The following C1QBP variants were observed in gnomAD, a reference collection of about 807,000 sequenced individuals.
C1QBP encodes complement component 1 Q subcomponent-binding protein, mitochondrial.
In C1QBP, 24 loss-of-function variants were observed where a neutral mutation model predicts 29.4. The observed-to-expected ratio is 0.82, with a 90% CI of 0.59 to 1.15. C1QBP has a LOEUF of 1.15. C1QBP is among the 50% of genes most tolerant of loss of function. The probability of loss-of-function intolerance (pLI) is 0.00; values close to 1 mark genes in which losing one functional copy is unlikely to be tolerated. For missense variants in C1QBP, 337 were observed against 355.8 expected (o/e 0.95, Z 0.43); for synonymous variants, 182 against 149.2 (o/e 1.22, Z -1.60).
intron 2 of C1QBP, 108 bp from the exon 3 acceptor site, chr17:5,435,074 G>A: frequency 1.0e-6 from 1 of 968,980 alleles, no homozygotes; most frequent in Non-Finnish European, 1.7e-6. Flanking sequence ...AAGGCGTATT[G>A]AAACAATGTC....
chr17:5,435,094 G>A, intron 2 of C1QBP, 128 bp from the exon 3 acceptor site: 2 of 817,240 alleles, frequency 2.4e-6, no homozygotes, highest in East Asian at 2.6e-5. Flanking sequence ...CTCTGTCCTA[G>A]CTGGCTGAAT....
At chr17:5,436,044 G>GAA (rs556979926) in intron 2 of C1QBP, among the ~76,000 whole-genome samples, 2,257 of 85,254 alleles carry the variant, frequency 0.026, 86 homozygotes, top group Middle Eastern at 0.056. Context: ...GACTCTGTCA[G>GAA]AAAAAAAAAA....
At position 5,433,757 on chromosome 17, in the gene C1QBP, G is replaced by A. The variant is rs1916176448; in HGVS notation, c.488C>T (p.Thr163Ile). ...QKVEEQEPEL[T>I]STPNFVVEVI... Reference sequence around the variant, plus strand: ...TTCAACCACGAAATTGGGAGTTGATGTCAGTTCAGGCTGGGGAAACAAGAA... The same window carrying A: ...TTCAACCACGAAATTGGGAGTTGATATCAGTTCAGGCTGGGGAAACAAGAA... The change falls in exon 4 of 6, where the codon ACA becomes ATA. Residue 163 changes from threonine to isoleucine, a missense_variant. Coordinates refer to ENST00000225698, the MANE Select transcript of C1QBP (RefSeq NM_001212.4). The A allele has an allele frequency of 2.5e-6, 4 of 1,614,156 alleles. No individual in the cohort carries two copies. Among genetic ancestry groups the A allele is most frequent in the Non-Finnish European group, 2.5e-6 (3 of 1,179,984 alleles).
intron 2 of C1QBP, among the ~76,000 whole-genome samples, chr17:5,436,565 T>C (rs1916276864): frequency 6.6e-6 from 1 of 151,620 alleles, no homozygotes; most frequent in Admixed American, 6.5e-5. Flanking sequence ...ACCAAAAAAA[T>C]AGGTAAACTG....
At chr17:5,434,382 G>A (rs935447666) in intron 3 of C1QBP, among the ~76,000 whole-genome samples, 3 of 152,070 alleles carry the variant, frequency 2.0e-5, no homozygotes, top group African/African-American at 7.2e-5. Context: ...TGGTTACTAG[G>A]CTGGGCACAG....
intron 2 of C1QBP, among the ~76,000 whole-genome samples, chr17:5,436,826 T>A (rs923905944): frequency 6.6e-6 from 1 of 152,196 alleles, no homozygotes; most frequent in East Asian, 1.9e-4. Context: ...GAGACCAGCC[T>A]GGCCAACACG....
At chr17:5,433,524 T>TCCCTCACTCCCCACCTCTCTC (rs1916168571) in intron 4 of C1QBP, 109 bp from the exon 5 acceptor site, 4 of 1,526,904 alleles carry the variant, frequency 2.6e-6, no homozygotes, top group Non-Finnish European at 3.6e-6. Context: ...TTAACCCTCT[T>TCCCTCACTCCCCACCTCTCTC]CCCTCACTCC....
rs1235537641 is a variant in C1QBP at position 5,438,870 on chromosome 17, G to A, written c.204C>T (p.Gly68=). ...CGGTGTGCAGCGAGCCGCAGCCACA[G>A]CCACAGGCGCAGGGTCCGCGAGGCC... ...LLRPRGPCAC[G]CGCGSLHTDG... The change falls in exon 1 of 6, where the codon GGC becomes GGT. Residue 68 remains glycine (G), a synonymous_variant. Coordinates refer to ENST00000225698, the MANE Select transcript of C1QBP (RefSeq NM_001212.4). 6.5e-7 allele frequency: 1 copy of A among 1,545,612 alleles called. No homozygotes were observed.
At position 5,433,124 on chromosome 17, in the gene C1QBP, C is replaced by G; in HGVS notation, c.740G>C (p.Gly247Ala). ...CTCATCTGCAAAAGTGTTGTCCACC[C>G]CTCGGTCGGCAAGGAAATCCATTAG... ...DHLMDFLADRGVDNTFADELV... is the reference protein window; with the variant it reads ...DHLMDFLADRAVDNTFADELV... Residue 247 changes from glycine (G) to alanine (A), a missense_variant, in exon 6 of 6, where the codon GGG becomes GCG. Transcript: ENST00000225698. 1 of 1,614,120 alleles carries G rather than the reference C, an allele frequency of 6.2e-7. No individual in the cohort carries two copies.
rs1282490847 is a variant in C1QBP at position 5,433,738 on chromosome 17, C to G, written c.507G>C (p.Val169=). ...CATCATCATTCTTTATAACTTCAACCACGAAATTGGGAGTTGATGTCAGTT... is the reference window on the plus strand; with the variant it reads ...CATCATCATTCTTTATAACTTCAACGACGAAATTGGGAGTTGATGTCAGTT... ...EPELTSTPNF[V]VEVIKNDDGK... The change falls in exon 4 of 6, where the codon GTG becomes GTC. Residue 169 remains valine, a synonymous_variant. Coordinates refer to ENST00000225698, the MANE Select transcript of C1QBP (RefSeq NM_001212.4). 1 of 1,614,172 alleles carries G rather than the reference C, an allele frequency of 6.2e-7. No individual in the cohort carries two copies. The highest frequency in any genetic ancestry group is 1.3e-5 in the African/African-American group (1 of 75,034).
At chr17:5,434,757 G>T in intron 3 of C1QBP, 116 bp downstream of exon 3, 1 of 873,552 alleles carries the variant, frequency 1.1e-6, no homozygotes, top group Non-Finnish European at 1.8e-6. Flanking sequence ...TGAGCCATGC[G>T]ACTGGACTTA....
intron 2 of C1QBP, among the ~76,000 whole-genome samples, chr17:5,436,416 G>A (rs1597350433): frequency 6.6e-6 from 1 of 151,372 alleles, no homozygotes; most frequent in East Asian, 1.9e-4. Context: ...GCTAAAACTA[G>A]AAAACTTTGA....
At chr17:5,435,026 A>C (rs1916233874) in intron 2 of C1QBP, 60 bp from the exon 3 acceptor site, 1 of 1,377,350 alleles carries the variant, frequency 7.3e-7, no homozygotes. Flanking sequence ...TTAACCGAGC[A>C]GGTTAACACA....
rs1177176468 is a variant in C1QBP, at chr17:5,438,828, C to T, written c.232+14G>A. ...GTTGAACGCAAACCACACCCCCGGC[C>T]CGCTAAACCTCACCGTCGGTGTGCA... On this transcript the variant is annotated intron_variant, in intron 1 of 5. Transcript: ENST00000225698. The T allele has an allele frequency of 1.3e-6, 2 of 1,547,474 alleles. No homozygotes were observed. Among genetic ancestry groups the T allele is most frequent in the Admixed American group, 2.0e-5 (1 of 50,974 alleles).
chr17:5,439,144 G>GCCGCCGGAAGCC lies in C1QBP; in HGVS notation c.-72_-71insGGCTTCCGGCGG. ...GCCTAGGCGCCCCGCGACCTGAGGC[G>GCCGCCGGAAGCC]CCGCCGGAAGCCCCGCCCCTGCCCG... On this transcript the variant is annotated 5_prime_UTR_variant, in exon 1 of 6. Transcript: ENST00000225698. The GCCGCCGGAAGCC allele has an allele frequency of 6.6e-7, 1 of 1,519,416 alleles. No homozygotes were observed. Among genetic ancestry groups the GCCGCCGGAAGCC allele is most frequent in the Non-Finnish European group, 8.8e-7 (1 of 1,131,540 alleles). 94.1% of individuals were successfully genotyped at this position (1,519,416 alleles called of 1,614,324 possible).
intron 3 of C1QBP, 50 bp downstream of exon 3, chr17:5,434,823 G>A (rs748589339): frequency 2.0e-6 from 3 of 1,537,972 alleles, no homozygotes; most frequent in Admixed American, 3.4e-5. Context: ...CTAAGCCCCA[G>A]GCACAGCCTG....
chr17:5,436,649 G>A (rs973409427), intron 2 of C1QBP, among the ~76,000 whole-genome samples: 1 of 151,648 alleles, frequency 6.6e-6, no homozygotes, highest in African/African-American at 2.4e-5. Context: ...CACAAGATGG[G>A]AAACAGTACT....
intron 2 of C1QBP, among the ~76,000 whole-genome samples, chr17:5,437,769 A>G (rs1210268381): frequency 6.6e-6 from 1 of 152,240 alleles, no homozygotes; most frequent in African/African-American, 2.4e-5. Flanking sequence ...CCCTTACTAC[A>G]GTGTAACCCC....
Position 5,434,942 on chromosome 17 carries a change from G to A in C1QBP, c.408C>T (p.Asn136=). ...CATCAAATGTTGGTGGGATGCTGTT[G>A]TTAATGTTGAAAGTGACCGTGATTC... ...GEKITVTFNI[N]NSIPPTFDGE... Residue 136 remains asparagine, a synonymous_variant, in exon 3 of 6, where the codon AAC becomes AAT. Coordinates refer to ENST00000225698, the MANE Select transcript of C1QBP (RefSeq NM_001212.4). 10 of 1,614,134 alleles carry A rather than the reference G, an allele frequency of 6.2e-6. No homozygotes were observed. The highest frequency in any genetic ancestry group is 8.5e-6 in the Non-Finnish European group (10 of 1,179,976).
Sources: gnomAD v4.1 joint callset for allele counts (sites outside exome capture counted in the v4.1 genomes callset) on GRCh38, gnomAD v4.1.1 for gene constraint, MANE v1.5 for transcripts, NCBI Gene and HGNC (gene_info 2026-07-23, HGNC 2026-07-21) for gene names.